SH3TC2: variants seen among roughly 807,000 people sequenced by gnomAD.
The protein encoded by SH3TC2 is SH3 domain and tetratricopeptide repeats 2, also known as SH3 domain and tetratricopeptide repeat-containing protein 2.
Under a neutral mutation model 124.5 loss-of-function variants are expected in SH3TC2, and 87 were observed. The observed-to-expected ratio is 0.70, with a 90% CI of 0.59 to 0.84. The LOEUF is 0.84. Ranked by LOEUF, SH3TC2 falls within the 40% of genes least tolerant of loss-of-function variation. SH3TC2 has a pLI of 0.00. For missense variants in SH3TC2, 1,536 were observed against 1,566.4 expected, an observed-to-expected ratio of 0.98 and a Z score of 0.33; for synonymous variants, 634 against 628.5, an observed-to-expected ratio of 1.01 and a Z score of -0.13.
At chr5:149,032,740 G>A (rs1024010423) in intron 8 of SH3TC2, among the ~76,000 whole-genome samples, 2 of 152,132 alleles carry the variant, frequency 1.3e-5, no homozygotes, top group Non-Finnish European at 2.9e-5. Flanking sequence ...TTAAAGCAGT[G>A]TTCAAGGAGG....
Position 148,982,224 on chromosome 5 carries a change from T to G in SH3TC2, c.*22487A>C, listed in dbSNP as rs1753261478. 6.6e-6 allele frequency among the ~76,000 whole-genome samples: 1 copy of G among 151,996 alleles called. No homozygotes were observed. The highest frequency in any genetic ancestry group is 2.4e-5 in the African/African-American group (1 of 41,384). On this transcript the variant is annotated 3_prime_UTR_variant, in exon 17 of 17. Coordinates refer to ENST00000515425, the MANE Select transcript of SH3TC2 (RefSeq NM_024577.4). ...ATACCACCTCACAACTATTAAACAC[T>G]CAAAGACAACATTAGTAACTGGCTG...
rs1387126779 is a variant in SH3TC2 at position 149,002,305 on chromosome 5, AG to A, written c.*2405del. 1.3e-5 allele frequency: 2 copies of A among 152,738 alleles called. No individual in the cohort carries two copies. Among genetic ancestry groups the A allele is most frequent in the African/African-American group, 4.8e-5 (2 of 41,454 alleles). The allele number at this position is 152,738 out of a possible 1,614,324, so 9.5% of individuals were successfully genotyped here. A position where few individuals can be genotyped will look rare whatever the true frequency, so the allele number is the denominator to read the frequency against. On this transcript the variant is annotated 3_prime_UTR_variant, in exon 17 of 17. Coordinates refer to ENST00000515425, the MANE Select transcript of SH3TC2 (RefSeq NM_024577.4). The stretch of plus-strand genomic sequence containing the variant: ...ACTGTCTCCCAGGAATGTTGTTGAA[AG>A]GACTATGCACGGGAGATTAGACTGA...
At chr5:149,032,984 T>G (rs1042158953) in intron 8 of SH3TC2, among the ~76,000 whole-genome samples, 4 of 152,216 alleles carry the variant, frequency 2.6e-5, no homozygotes, top group African/African-American at 9.7e-5. Flanking sequence ...TCCCAAAGTT[T>G]TATAGATCTC....
Position 148,987,856 on chromosome 5 carries a change from T to TGTGC in SH3TC2, c.*16854_*16855insGCAC, listed in dbSNP as rs60228802. Among the ~76,000 whole-genome samples the TGTGC allele has an allele frequency of 6.9e-6, 1 of 144,458 alleles. No homozygotes were observed. Among genetic ancestry groups the TGTGC allele is most frequent in the East Asian group, 2.1e-4 (1 of 4,812 alleles). 94.8% of individuals were successfully genotyped at this position (144,458 alleles called of 152,430 possible). ...GTGTGTGTGTGTGTGTGTGTGTGTG[T>TGTGC]TCTTTAGATCATGAAACTTCTCATC... is the stretch of plus-strand genomic sequence containing the variant. On this transcript the variant is annotated 3_prime_UTR_variant, in exon 17 of 17. Transcript: ENST00000515425.
At chr5:149,062,316 G>C in intron 1 of SH3TC2, 1 of 530,620 alleles carries the variant, frequency 1.9e-6, no homozygotes, top group Non-Finnish European at 3.9e-6. Flanking sequence ...CAAGAAGGTT[G>C]CTTCAGGGAG....
chr5:149,012,174 A>T lies in SH3TC2; in HGVS notation c.3204+410T>A, dbSNP rs542326632. 2.0e-5 allele frequency among the ~76,000 whole-genome samples: 3 copies of T among 152,312 alleles called. No individual in the cohort carries two copies. The South Asian group carries it at 6.2e-4, about 32-fold the overall frequency. Reference sequence around the variant, plus strand: ...TCTCTGATATTAAAAGTATGCAAACAAACAAAAAAATAAGAGAATAATATT... The same window carrying T: ...TCTCTGATATTAAAAGTATGCAAACTAACAAAAAAATAAGAGAATAATATT... On this transcript the variant is annotated intron_variant, in intron 13 of 16. Coordinates refer to ENST00000515425, the MANE Select transcript of SH3TC2 (RefSeq NM_024577.4).
intron 1 of SH3TC2, among the ~76,000 whole-genome samples, chr5:149,061,731 C>T (rs372477437): frequency 1.3e-4 from 20 of 152,286 alleles, no homozygotes; most frequent in African/African-American, 4.8e-4. Context: ...AGATCTAGAA[C>T]CCCGATCTCC....
At chr5:149,026,540 T>C in intron 12 of SH3TC2, 32 bp downstream of exon 12, 2 of 1,612,344 alleles carry the variant, frequency 1.2e-6, no homozygotes, top group Non-Finnish European at 1.7e-6. Flanking sequence ...GAAGGAAAGC[T>C]GCTTCTAGGA....
At chr5:149,036,254 C>G (rs542017925) in intron 8 of SH3TC2, among the ~76,000 whole-genome samples, 1 of 152,332 alleles carries the variant, frequency 6.6e-6, no homozygotes, top group East Asian at 1.9e-4. Context: ...GACTCCACAA[C>G]TCTGTAAGCC....
At chr5:149,049,069 G>A (rs978892552) in intron 2 of SH3TC2, among the ~76,000 whole-genome samples, 1 of 152,188 alleles carries the variant, frequency 6.6e-6, no homozygotes, top group Non-Finnish European at 1.5e-5. Flanking sequence ...CAAGACAGCT[G>A]TGGACTTCTA....
Position 148,990,665 on chromosome 5 carries a change from T to C in SH3TC2, c.*14046A>G, listed in dbSNP as rs1237000129. On this transcript the variant is annotated 3_prime_UTR_variant, in exon 17 of 17. Transcript: ENST00000515425. ...ATGTTAATAATACCACCCTTGAGGTTGTTGTGAACACAGAAAATGAAATCA... is the reference window on the plus strand; with the variant it reads ...ATGTTAATAATACCACCCTTGAGGTCGTTGTGAACACAGAAAATGAAATCA... Among the ~76,000 whole-genome samples the C allele has an allele frequency of 6.6e-6, 1 of 152,182 alleles. No homozygotes were observed. Among genetic ancestry groups the C allele is most frequent in the Non-Finnish European group, 1.5e-5 (1 of 68,024 alleles).
intron 12 of SH3TC2, among the ~76,000 whole-genome samples, chr5:149,021,424 TA>T (rs1365531036): frequency 6.6e-6 from 1 of 150,614 alleles, no homozygotes; most frequent in Admixed American, 6.6e-5. Context: ...AAGGAATTAA[TA>T]AAGATGAGAG....
chr5:149,051,039 T>A (rs1475189122), intron 2 of SH3TC2, among the ~76,000 whole-genome samples: 1 of 152,140 alleles, frequency 6.6e-6, no homozygotes, highest in Non-Finnish European at 1.5e-5. Flanking sequence ...CATGTGAGGA[T>A]CATTTGGCAC....
chr5:149,050,204 C>T (rs889954806), intron 2 of SH3TC2, among the ~76,000 whole-genome samples: 1 of 152,196 alleles, frequency 6.6e-6, no homozygotes, highest in Non-Finnish European at 1.5e-5. Context: ...AACCCCTGTG[C>T]CCACAGTGGG....
At position 148,987,336 on chromosome 5, in the gene SH3TC2, T is replaced by C. The variant is rs1302780079; in HGVS notation, c.*17375A>G. Among the ~76,000 whole-genome samples the C allele has an allele frequency of 6.6e-6, 1 of 152,248 alleles. No individual in the cohort carries two copies. Among genetic ancestry groups the C allele is most frequent in the Non-Finnish European group, 1.5e-5 (1 of 68,042 alleles). On this transcript the variant is annotated 3_prime_UTR_variant, in exon 17 of 17. Coordinates refer to ENST00000515425, the MANE Select transcript of SH3TC2 (RefSeq NM_024577.4). ...AAGAGGACAAGAACTTTATAAGTTT[T>C]TTTCATTGATCTATTGCTACAGCCT...
At chr5:149,023,751 T>G (rs905691084) in intron 12 of SH3TC2, among the ~76,000 whole-genome samples, 2 of 151,804 alleles carry the variant, frequency 1.3e-5, no homozygotes, top group Non-Finnish European at 2.9e-5. Flanking sequence ...CCTGGCTAAC[T>G]TTTTTGTATC....
chr5:149,040,695 G>A lies in SH3TC2; in HGVS notation c.732-18C>T. 1.2e-6 allele frequency: 2 copies of A among 1,612,740 alleles called. No individual in the cohort carries two copies. The highest frequency in any genetic ancestry group is 1.1e-5 in the South Asian group (1 of 91,048). ...GGAACCACCTGCCAATGAAAACATGGGGTTTGCAAACACAGATTTCAAAAA... is the reference window on the plus strand; with the variant it reads ...GGAACCACCTGCCAATGAAAACATGAGGTTTGCAAACACAGATTTCAAAAA... On this transcript the variant is annotated intron_variant, in intron 6 of 16. Coordinates refer to ENST00000515425, the MANE Select transcript of SH3TC2 (RefSeq NM_024577.4).
intron 16 of SH3TC2, 119 bp from the exon 17 acceptor site, chr5:149,005,021 C>T: frequency 8.4e-7 from 1 of 1,184,036 alleles, no homozygotes. Context: ...TGTTTGTTTG[C>T]CCAACATCCA....
rs1223812617 is a variant in SH3TC2 at position 148,996,650 on chromosome 5, G to A, written c.*8061C>T. Among the ~76,000 whole-genome samples, 4 of 152,170 alleles carry A rather than the reference G, an allele frequency of 2.6e-5. No individual in the cohort carries two copies. The highest frequency in any genetic ancestry group is 9.6e-5 in the African/African-American group (4 of 41,500). On this transcript the variant is annotated 3_prime_UTR_variant, in exon 17 of 17. Coordinates refer to ENST00000515425, the MANE Select transcript of SH3TC2 (RefSeq NM_024577.4). ...CTGGTACAATGTTCAAAGAATTCAG[G>A]GGCATTCCTATGAATGTCTCTATGA... is the stretch of plus-strand genomic sequence containing the variant.
Sources: allele counts gnomAD v4.1 joint callset (sites outside exome capture counted in the v4.1 genomes callset), GRCh38; gene constraint gnomAD v4.1.1; transcripts MANE v1.5; gene names NCBI Gene and HGNC (gene_info 2026-07-23, HGNC 2026-07-21).